The following APBB2 variants were observed in gnomAD, a reference collection of about 807,000 sequenced individuals.
APBB2 encodes amyloid beta precursor protein binding family B member 2, also known as Fe65-like 1.
Under a neutral mutation model 82.5 loss-of-function variants are expected in APBB2, and 38 were observed. That is an observed-to-expected ratio of 0.46 (90% CI 0.36 to 0.60). APBB2 has a LOEUF of 0.60. Ranked by LOEUF, APBB2 falls within the 20% of genes least tolerant of loss-of-function variation. The probability of loss-of-function intolerance (pLI) is 0.00; values close to 1 mark genes in which losing one functional copy is unlikely to be tolerated. For synonymous variants in APBB2, 341 were observed against 368.2 expected (o/e 0.93, Z 0.85); for missense variants, 772 against 972.3 (o/e 0.79, Z 2.74).
At chr4:40,830,294 G>A (rs1392520077) in intron 13 of APBB2, among the ~76,000 whole-genome samples, 169 bp downstream of exon 13, 5 of 150,634 alleles carry the variant, frequency 3.3e-5, no homozygotes, top group African/African-American at 9.8e-5. Flanking sequence ...ACTCAAGAGC[G>A]ATGCCTGGCC....
chr4:40,942,599 C>T (rs2154379382), intron 7 of APBB2, among the ~76,000 whole-genome samples: 1 of 152,196 alleles, frequency 6.6e-6, no homozygotes, highest in East Asian at 1.9e-4. Context: ...ACCCTGAAAA[C>T]CACAACAGAT....
chr4:40,986,655 A>G (rs982779489), intron 6 of APBB2, among the ~76,000 whole-genome samples: 2 of 152,214 alleles, frequency 1.3e-5, no homozygotes, highest in Admixed American at 1.3e-4. Context: ...GACTTACTCC[A>G]TTCAAGAGCT....
At chr4:41,011,295 C>T (rs1314916203) in intron 6 of APBB2, among the ~76,000 whole-genome samples, 1 of 151,852 alleles carries the variant, frequency 6.6e-6, no homozygotes, top group African/African-American at 2.4e-5. Context: ...ATTCTTCTGC[C>T]TCAGCCTCCC....
At chr4:41,143,672 A>T (rs1759860944) in intron 1 of APBB2, among the ~76,000 whole-genome samples, 1 of 152,238 alleles carries the variant, frequency 6.6e-6, no homozygotes, top group Non-Finnish European at 1.5e-5. Flanking sequence ...TGGGGGCTAT[A>T]AAAAATTCTA....
chr4:41,014,003 C>T lies in APBB2; in HGVS notation c.415G>A (p.Glu139Lys), dbSNP rs764222374. 2.9e-5 allele frequency: 47 copies of T among 1,614,180 alleles called. No individual in the cohort carries two copies. Among genetic ancestry groups the T allele is most frequent in the Non-Finnish European group, 4.0e-5 (47 of 1,180,020 alleles). ...NITSEKLEGK[E>K]PHPQDSSSCE... Reference sequence around the variant, plus strand: ...CTCGAGGAATCCTGTGGGTGGGGCTCTTTACCCTCTAACTTCTCAGAAGTT... The same window carrying T: ...CTCGAGGAATCCTGTGGGTGGGGCTTTTTACCCTCTAACTTCTCAGAAGTT... The change falls in exon 6 of 18, where the codon GAG (glutamate) becomes AAG (lysine). Residue 139 changes from glutamate to lysine, a missense_variant. Glu to Lys is a moderately conservative substitution (Grantham distance 56, BLOSUM62 1). Coordinates refer to ENST00000508593, the MANE Select transcript of APBB2 (RefSeq NM_004307.2).
intron 12 of APBB2, among the ~76,000 whole-genome samples, chr4:40,851,447 C>T (rs1759321135): frequency 2.0e-5 from 3 of 152,228 alleles, no homozygotes; most frequent in Middle Eastern, 6.8e-3. Flanking sequence ...CAAAACACAC[C>T]AGAATCCTCG....
In APBB2 at chr4:40,823,665, A is replaced by C. The variant is rs937257607; in HGVS notation, c.1911T>G (p.Thr637=). 5 of 1,612,920 alleles carry C rather than the reference A, an allele frequency of 3.1e-6. No individual in the cohort carries two copies. Among genetic ancestry groups the C allele is most frequent in the Non-Finnish European group, 4.2e-6 (5 of 1,178,980 alleles). ...LSVNMNVADA[T]VTVISEKNEE... is the part of the protein sequence containing the mutation. ...TCACCTTTTCACTGATGACAGTCAC[A>C]GTGGCATCAGCCACGTTCATGTTCA... Residue 637 remains threonine (T), a synonymous_variant, in exon 16 of 18, where the codon ACT becomes ACG. Transcript: ENST00000508593.
At chr4:41,099,451 G>C (rs530230586) in intron 3 of APBB2, among the ~76,000 whole-genome samples, 1 of 152,000 alleles carries the variant, frequency 6.6e-6, no homozygotes, top group Non-Finnish European at 1.5e-5. Context: ...GGCTGGTCTC[G>C]AATTCCCAAC....
In APBB2 at chr4:40,812,216, G is replaced by T. The variant is rs1744557243; in HGVS notation, c.*3876C>A. The T allele has an allele frequency of 6.6e-6, 1 of 152,176 alleles. No individual in the cohort carries two copies. Among genetic ancestry groups the T allele is most frequent in the South Asian group, 2.1e-4 (1 of 4,832 alleles). The allele number at this position is 152,176 out of a possible 1,614,324, so 9.4% of individuals were successfully genotyped here. ...GTGATTTCTAAGAAGTCTGAGGTAA[G>T]AATAATTTAAAAATAACTAGAGACA... On this transcript the variant is annotated 3_prime_UTR_variant, in exon 18 of 18. Coordinates refer to ENST00000508593, the MANE Select transcript of APBB2 (RefSeq NM_004307.2).
At chr4:41,168,041 C>T (rs577428160) in intron 1 of APBB2, among the ~76,000 whole-genome samples, 5 of 152,190 alleles carry the variant, frequency 3.3e-5, no homozygotes, top group South Asian at 2.1e-4. Flanking sequence ...GAGGCCGAGG[C>T]GGGCGGATCA....
chr4:41,154,395 A>C (rs1445119700), intron 1 of APBB2, among the ~76,000 whole-genome samples: 1 of 152,306 alleles, frequency 6.6e-6, no homozygotes, highest in South Asian at 2.1e-4. Context: ...TCCTTGCCTT[A>C]AGGAAGTCCA....
chr4:40,820,769 G>A (rs1747597610), intron 17 of APBB2, among the ~76,000 whole-genome samples: 1 of 152,098 alleles, frequency 6.6e-6, no homozygotes, highest in Non-Finnish European at 1.5e-5. Flanking sequence ...TCATAAGCCC[G>A]CCATGATCTG....
At chr4:40,999,319 C>A (rs1364223562) in intron 6 of APBB2, among the ~76,000 whole-genome samples, 1 of 152,118 alleles carries the variant, frequency 6.6e-6, no homozygotes, top group Non-Finnish European at 1.5e-5. Flanking sequence ...TGGTATGTAC[C>A]TGTGGTCCCA....
chr4:41,175,885 C>T (rs550528611), intron 1 of APBB2, among the ~76,000 whole-genome samples: 1 of 152,276 alleles, frequency 6.6e-6, no homozygotes, highest in Non-Finnish European at 1.5e-5. Context: ...AAAGTTCTTA[C>T]TTTAAAGCAA....
At chr4:40,930,436 TGTGTGTGTGTGTGCGC>T (rs1439022502) in intron 10 of APBB2, among the ~76,000 whole-genome samples, 4 of 39,600 alleles carry the variant, frequency 1.0e-4, no homozygotes, top group Admixed American at 3.3e-4. Context: ...TGTGTGTGTG[TGTGTGTGTGTGTGCGC>T]GCGCGCGCGC....
intron 2 of APBB2, among the ~76,000 whole-genome samples, chr4:41,123,271 C>T (rs991657351): frequency 4.6e-5 from 7 of 152,012 alleles, no homozygotes; most frequent in African/African-American, 1.7e-4. Flanking sequence ...AGCCGGCACT[C>T]ACTAAATATT....
intron 12 of APBB2, among the ~76,000 whole-genome samples, chr4:40,844,312 G>A (rs1046779440): frequency 6.6e-6 from 1 of 152,172 alleles, no homozygotes; most frequent in Non-Finnish European, 1.5e-5. Context: ...TTGAAGAGGG[G>A]ATAAGGACAC....
intron 2 of APBB2, among the ~76,000 whole-genome samples, chr4:41,119,380 T>C (rs1166666913): frequency 6.6e-6 from 1 of 152,014 alleles, no homozygotes; most frequent in Admixed American, 6.6e-5. Context: ...CCTCCTTTTA[T>C]ACAACACTAA....
chr4:41,085,388 G>A (rs150934505), intron 3 of APBB2, among the ~76,000 whole-genome samples: 2 of 152,176 alleles, frequency 1.3e-5, no homozygotes, highest in Non-Finnish European at 2.9e-5. Context: ...CATGTTGAAT[G>A]GAACATCACT....
Sources: allele counts gnomAD v4.1 joint callset (sites outside exome capture counted in the v4.1 genomes callset), GRCh38; gene constraint gnomAD v4.1.1; transcripts MANE v1.5; gene names NCBI Gene and HGNC (gene_info 2026-07-23, HGNC 2026-07-21).